Variants in PLIN2 observed in about 807,000 individuals in gnomAD.
The protein encoded by PLIN2 is perilipin 2.
Under a neutral mutation model 30.6 loss-of-function variants are expected in PLIN2, and 33 were observed. That is an observed-to-expected ratio of 1.08 (90% CI 0.82 to 1.44). PLIN2 has a LOEUF of 1.44. Ranked by LOEUF, PLIN2 falls within the 40% of genes most tolerant of loss-of-function variation. The pLI, the probability that PLIN2 is intolerant of heterozygous loss-of-function variation, is 0.00. For missense variants in PLIN2, 610 were observed against 531.8 expected (o/e 1.15, Z -1.45); for synonymous variants, 205 against 201.1 (o/e 1.02, Z -0.16).
At position 19,118,513 on chromosome 9, in the gene PLIN2, T is replaced by C; in HGVS notation, c.778-58A>G. On this transcript the variant is annotated intron_variant, in intron 6 of 7. Coordinates refer to ENST00000276914, the MANE Select transcript of PLIN2 (RefSeq NM_001122.4). ...CAAGTCAGATATTCACGTTAGCCTGTTTGCAGATGTATGATGTAAATCAGG... is the reference window on the plus strand; with the variant it reads ...CAAGTCAGATATTCACGTTAGCCTGCTTGCAGATGTATGATGTAAATCAGG... 4.6e-6 allele frequency: 7 copies of C among 1,509,518 alleles called. No homozygotes were observed. In the South Asian group the frequency reaches 8.5e-5, roughly 18 times the overall value. The allele number at this position is 1,509,518 out of a possible 1,614,324, so 93.5% of individuals were successfully genotyped here.
chr9:19,110,366 G>A (rs1323842817), intron 2 of PLIN2, among the ~76,000 whole-genome samples: 1 of 152,158 alleles, frequency 6.6e-6, no homozygotes, highest in East Asian at 1.9e-4. Context: ...TTGTGCTTAA[G>A]ATGAATATAA....
rs1442764592 is a variant in PLIN2 at position 19,123,466 on chromosome 9, C to G, written c.309+99G>C. The G allele has an allele frequency of 6.9e-6, 11 of 1,587,408 alleles. No homozygotes were observed. In the East Asian group the frequency reaches 2.5e-4, roughly 36 times the overall value. On this transcript the variant is annotated intron_variant, in intron 4 of 7. Coordinates refer to ENST00000276914, the MANE Select transcript of PLIN2 (RefSeq NM_001122.4). ...TACATCCAGATCCAGGTTGGGAAAACAAGTATTTGCCTGTTTGTGATATGT... is the reference window on the plus strand; with the variant it reads ...TACATCCAGATCCAGGTTGGGAAAAGAAGTATTTGCCTGTTTGTGATATGT...
chr9:19,117,703 T>C (rs1175289148), intron 7 of PLIN2, among the ~76,000 whole-genome samples: 1 of 151,818 alleles, frequency 6.6e-6, no homozygotes, highest in African/African-American at 2.4e-5. Context: ...TGGCAACCTC[T>C]GCCTCCCAGG....
At chr9:19,123,449 G>A in intron 4 of PLIN2, 116 bp downstream of exon 4, 3 of 1,566,856 alleles carry the variant, frequency 1.9e-6, no homozygotes, top group Non-Finnish European at 2.6e-6. Context: ...CATACATCCA[G>A]ATCCAGGTTG....
rs1338024795 is a variant in PLIN2, at chr9:19,127,270, C to T, written c.-23+149G>A. The T allele has an allele frequency of 6.6e-6, 1 of 152,106 alleles. No individual in the cohort carries two copies. The highest frequency in any genetic ancestry group is 2.4e-5 in the African/African-American group (1 of 41,400). 9.4% of individuals were successfully genotyped at this position (152,106 alleles called of 1,614,324 possible). On this transcript the variant is annotated intron_variant, in intron 1 of 7. Coordinates refer to ENST00000276914, the MANE Select transcript of PLIN2 (RefSeq NM_001122.4). This position sits in a 1 kb window ranked among gnomAD's most constrained non-coding sequence, Gnocchi z 4.3. ...AAGCCGCGAGGCGAGCGGGGGGTCT[C>T]GGACCATCACCCCCGCGTCCCGTCC... is the stretch of plus-strand genomic sequence containing the variant.
intron 4 of PLIN2, among the ~76,000 whole-genome samples, chr9:19,121,730 G>A (rs1486422198): frequency 8.6e-5 from 13 of 152,030 alleles, no homozygotes; most frequent in Admixed American, 3.9e-4. Flanking sequence ...TTAGGAGTTC[G>A]AGACCAGCCT....
Position 19,119,804 on chromosome 9 carries a change from A to C in PLIN2, c.623T>G (p.Phe208Cys). ...ATAACTTGGCTTCTGAACCAGATCA[A>C]ATCCTTCAACTTTTTTTGCTTCTTT... ...LEKEAKKVEG[F>C]DLVQKPSYYV... Residue 208 changes from phenylalanine (F) to cysteine (C), a missense_variant, in exon 6 of 8, where the codon TTT becomes TGT. Physicochemically the swap from Phe to Cys is radical, Grantham distance 205. Coordinates refer to ENST00000276914, the MANE Select transcript of PLIN2 (RefSeq NM_001122.4). 1 of 1,568,372 alleles carries C rather than the reference A, an allele frequency of 6.4e-7. No individual in the cohort carries two copies. The highest frequency in any genetic ancestry group is 2.3e-5 in the East Asian group (1 of 44,278).
At position 19,121,176 on chromosome 9, in the gene PLIN2, A is replaced by C; in HGVS notation, c.310-11T>G. On this transcript the variant is annotated splice_polypyrimidine_tract_variant and intron_variant, in intron 4 of 7. Coordinates refer to ENST00000276914, the MANE Select transcript of PLIN2 (RefSeq NM_001122.4). ...GGCATTGGCAACAATCTGTAAGTAG[A>C]AAAGCAGATCCCCTGGCTGGTGAGA... 5 of 1,612,548 alleles carry C rather than the reference A, an allele frequency of 3.1e-6. No individual in the cohort carries two copies. The highest frequency in any genetic ancestry group is 4.2e-6 in the Non-Finnish European group (5 of 1,178,808).
At chr9:19,121,325 C>T (rs1348244714) in intron 4 of PLIN2, among the ~76,000 whole-genome samples, 160 bp from the exon 5 acceptor site, 1 of 152,028 alleles carries the variant, frequency 6.6e-6, no homozygotes, top group East Asian at 1.9e-4. Flanking sequence ...GTTGATGAGC[C>T]TGAATTTCCC....
intron 3 of PLIN2, 25 bp downstream of exon 3, chr9:19,126,089 T>C: frequency 6.2e-7 from 1 of 1,605,954 alleles, no homozygotes; most frequent in Non-Finnish European, 8.5e-7. Flanking sequence ...TCCCTTGACT[T>C]GCATCTTGAA....
rs776355767 is a variant in PLIN2 at position 19,123,600 on chromosome 9, C to A, written c.274G>T (p.Glu92Ter). 6.2e-7 allele frequency: 1 copy of A among 1,614,202 alleles called. No homozygotes were observed. Among genetic ancestry groups the A allele is most frequent in the Non-Finnish European group, 8.5e-7 (1 of 1,180,038 alleles). The change falls in exon 4 of 8, where the codon GAG becomes TAG. Residue 92 changes from glutamate (E) to a stop codon, truncating the protein, a stop_gained. Coordinates refer to ENST00000276914, the MANE Select transcript of PLIN2 (RefSeq NM_001122.4). LOFTEE classifies it high-confidence loss of function. ...GGCTGATTCAGAATAGGCAGTCTCT[C>A]CTCAATCCTGTCTAGCCCCTTACAG... ...YACKGLDRIE[E>*]RLPILNQPST...
intron 4 of PLIN2, among the ~76,000 whole-genome samples, chr9:19,122,416 C>T (rs1168563250): frequency 2.0e-5 from 3 of 151,648 alleles, no homozygotes; most frequent in Admixed American, 1.3e-4. Flanking sequence ...GAATACTTAT[C>T]ATTGTGTTAC....
At chr9:19,112,751 A>C, downstream of PLIN2, among the ~76,000 whole-genome samples, 1 of 151,802 alleles carries the variant, frequency 6.6e-6, no homozygotes, top group South Asian at 2.1e-4. Context: ...AAATCCTGAG[A>C]CATGTTGACA....
chr9:19,118,832 AC>A (rs2131179089), intron 6 of PLIN2, among the ~76,000 whole-genome samples: 1 of 152,284 alleles, frequency 6.6e-6, no homozygotes, highest in African/African-American at 2.4e-5. Context: ...AGCTGGGATT[AC>A]AGGCATACGC....
intron 7 of PLIN2, among the ~76,000 whole-genome samples, chr9:19,117,584 C>T (rs772548834): frequency 1.3e-5 from 2 of 151,708 alleles, no homozygotes; most frequent in African/African-American, 4.8e-5. Flanking sequence ...ACTACCCCCA[C>T]TCCAAGGCTG....
At chr9:19,117,475 C>G (rs1274249297) in intron 7 of PLIN2, among the ~76,000 whole-genome samples, 1 of 151,746 alleles carries the variant, frequency 6.6e-6, no homozygotes, top group Non-Finnish European at 1.5e-5. Context: ...CTATGCCTTC[C>G]CTCTGGAACC....
At chr9:19,108,640 A>G (rs139479882) in exon 3 of PLIN2, 99 of 152,774 alleles carry the variant, frequency 6.5e-4, no homozygotes, top group African/African-American at 2.3e-3. Flanking sequence ...CTGAGAGGAC[A>G]GGGCCATTAG....
intron 5 of PLIN2, among the ~76,000 whole-genome samples, chr9:19,120,413 AAGG>A (rs1475415282): frequency 3.9e-5 from 6 of 152,288 alleles, no homozygotes; most frequent in African/African-American, 1.2e-4. Context: ...GATTCTTTGT[AAGG>A]AGGATTTTAT....
Position 19,121,116 on chromosome 9 carries a change from G to C in PLIN2, c.359C>G (p.Thr120Arg). The C allele has an allele frequency of 6.2e-7, 1 of 1,614,120 alleles. No homozygotes were observed. Among genetic ancestry groups the C allele is most frequent in the East Asian group, 2.2e-5 (1 of 44,880 alleles). ...GAVTGAKDAV[T>R]TTVTGAKDSV... is the part of the protein sequence containing the mutation. ...ATCCTTGGCCCCAGTCACAGTAGTC[G>C]TCACAGCATCTTTTGCCCCAGTCAC... The change falls in exon 5 of 8, where the codon ACG becomes AGG. Residue 120 changes from threonine (T) to arginine (R), a missense_variant. Coordinates refer to ENST00000276914, the MANE Select transcript of PLIN2 (RefSeq NM_001122.4).
Sources: allele counts gnomAD v4.1 joint callset (sites outside exome capture counted in the v4.1 genomes callset), GRCh38; gene constraint gnomAD v4.1.1; non-coding constraint Gnocchi (gnomAD v3.1); transcripts MANE v1.5; gene names NCBI Gene and HGNC (gene_info 2026-07-23, HGNC 2026-07-21).